The following ACTN4 variants were observed in gnomAD, a reference collection of about 807,000 sequenced individuals.
ACTN4 encodes actinin alpha 4, also known as alpha-actinin-4.
ACTN4 carries 18 observed loss-of-function variants against 114.2 expected under a neutral mutation model. The ratio of observed to expected loss-of-function variants is 0.16; its 90% CI spans 0.11 to 0.23. The LOEUF is 0.23. ACTN4 is among the 10% of genes least tolerant of loss of function. The probability of loss-of-function intolerance (pLI) is 1.00; values close to 1 mark genes in which losing one functional copy is unlikely to be tolerated. For missense variants in ACTN4, 722 were observed against 1,262.9 expected (o/e 0.57, Z 6.49); for synonymous variants, 515 against 506.3 (o/e 1.02, Z -0.23).
At chr19:38,693,785 C>A (rs1361084149) in intron 1 of ACTN4, among the ~76,000 whole-genome samples, 1 of 152,206 alleles carries the variant, frequency 6.6e-6, no homozygotes. Context: ...TCTCCGTCTC[C>A]CTCCTGCAGC....
chr19:38,689,340 A>C (rs1370993427), intron 1 of ACTN4, among the ~76,000 whole-genome samples: 2 of 152,222 alleles, frequency 1.3e-5, no homozygotes, highest in African/African-American at 4.8e-5. Context: ...ATATGGTTCC[A>C]CTTATATGAA....
chr19:38,729,577 C>T lies in ACTN4; in HGVS notation c.*145C>T, dbSNP rs55808893. On this transcript the variant is annotated 3_prime_UTR_variant, in exon 21 of 21. Transcript: ENST00000252699. ...GTGGGTGGGCAGGGAGGGGCTGGGG[C>T]AGGCTCTCTCCTCTCTCTCTTTGTG... 9.5e-7 allele frequency: 1 copy of T among 1,053,814 alleles called. No homozygotes were observed. Among genetic ancestry groups the T allele is most frequent in the East Asian group, 2.6e-5 (1 of 37,866 alleles). 65.3% of individuals were successfully genotyped at this position (1,053,814 alleles called of 1,614,324 possible).
At chr19:38,725,962 A>G (rs992772438) in intron 17 of ACTN4, 59 bp downstream of exon 17, 2 of 1,596,260 alleles carry the variant, frequency 1.3e-6, no homozygotes, top group Non-Finnish European at 1.7e-6. Flanking sequence ...CCTCACTGGA[A>G]ATGGTTCGGG....
intron 1 of ACTN4, among the ~76,000 whole-genome samples, chr19:38,682,571 C>T (rs1325054227): frequency 6.6e-6 from 1 of 152,198 alleles, no homozygotes; most frequent in East Asian, 1.9e-4. Flanking sequence ...TTCTCTCCAG[C>T]CTCACTGCTG....
chr19:38,705,139 C>T, intron 4 of ACTN4, 119 bp downstream of exon 4: 2 of 990,622 alleles, frequency 2.0e-6, no homozygotes, highest in South Asian at 2.7e-5. Flanking sequence ...ACTCACAGGG[C>T]CTGGCCCTTG....
chr19:38,697,013 T>C (rs189449742), intron 1 of ACTN4, among the ~76,000 whole-genome samples: 1 of 152,372 alleles, frequency 6.6e-6, no homozygotes, highest in African/African-American at 2.4e-5. Context: ...TCTCGGTTAC[T>C]GTCCTGTTTA....
At position 38,647,814 on chromosome 19, in the gene ACTN4, C is replaced by T. The variant is rs1355053020; in HGVS notation, c.69C>T (p.Gly23=). The part of the protein sequence containing the change: ...YGPSSAGNGA[G]GGGSMGDYMA... ...CCAGCAGCGCGGGCAATGGCGCTGG[C>T]GGCGGGGGCAGCATGGGCGACTACA... The change falls in exon 1 of 21, where the codon GGC becomes GGT. Residue 23 remains glycine (G), a synonymous_variant. Coordinates refer to ENST00000252699, the MANE Select transcript of ACTN4 (RefSeq NM_004924.6). The T allele has an allele frequency of 1.3e-6, 2 of 1,551,156 alleles. No individual in the cohort carries two copies. Among genetic ancestry groups the T allele is most frequent in the South Asian group, 1.2e-5 (1 of 84,224 alleles).
intron 1 of ACTN4, among the ~76,000 whole-genome samples, chr19:38,674,416 T>C (rs940458245): frequency 6.6e-6 from 1 of 152,148 alleles, no homozygotes; most frequent in East Asian, 1.9e-4. Context: ...CAAATATTTA[T>C]TGCGTGCTAG....
At chr19:38,670,551 G>T (rs1276724995) in intron 1 of ACTN4, among the ~76,000 whole-genome samples, 1 of 152,154 alleles carries the variant, frequency 6.6e-6, no homozygotes, top group Non-Finnish European at 1.5e-5. Flanking sequence ...CAGAGCTCTA[G>T]CTGATGGTGG....
intron 1 of ACTN4, among the ~76,000 whole-genome samples, chr19:38,689,415 G>A (rs183619304): frequency 3.9e-5 from 6 of 152,272 alleles, no homozygotes; most frequent in Admixed American, 3.3e-4. Flanking sequence ...CAGGGGCTGG[G>A]GGCTGGGTAG....
intron 11 of ACTN4, chr19:38,718,391 C>T: frequency 4.7e-6 from 2 of 425,530 alleles, no homozygotes; most frequent in East Asian, 5.6e-5. Context: ...ATAAAATTAG[C>T]CAGGCATAGT....
chr19:38,668,223 G>A (rs1299444475), intron 1 of ACTN4, among the ~76,000 whole-genome samples: 3 of 152,154 alleles, frequency 2.0e-5, no homozygotes, highest in South Asian at 2.1e-4. Flanking sequence ...AGCTTTAGAA[G>A]GAAGTTTGAA....
In ACTN4 at chr19:38,714,481, G is replaced by A. The variant is rs779765397; in HGVS notation, c.832G>A (p.Ala278Thr). The A allele has an allele frequency of 6.8e-6, 11 of 1,613,580 alleles. No individual in the cohort carries two copies. The highest frequency in any genetic ancestry group is 1.1e-5 in the South Asian group (1 of 91,092). Residue 278 changes from alanine (A) to threonine (T), a missense_variant, in exon 9 of 21, where the codon GCC (alanine) becomes ACC (threonine). Around this residue, in one of 3 missense-constraint regions of ACTN4, gnomAD observed 127 missense variants for 311.3 expected, o/e 0.41. Coordinates refer to ENST00000252699, the MANE Select transcript of ACTN4 (RefSeq NM_004924.6). ...FSGAQKAETA[A>T]NRICKVLAVN... Reference sequence around the variant, plus strand: ...TGCTCCCCTCCAGGCTGAAACTGCCGCCAACCGGATCTGTAAGGTGCTGGC... The same window carrying A: ...TGCTCCCCTCCAGGCTGAAACTGCCACCAACCGGATCTGTAAGGTGCTGGC...
At chr19:38,720,927 G>A (rs530432535) in intron 11 of ACTN4, among the ~76,000 whole-genome samples, 1 of 152,352 alleles carries the variant, frequency 6.6e-6, no homozygotes, top group South Asian at 2.1e-4. Context: ...GGGCTTCCTT[G>A]AGCTTTGGTT....
intron 1 of ACTN4, chr19:38,683,855 C>T (rs1265763452): frequency 6.6e-6 from 1 of 152,364 alleles, no homozygotes; most frequent in East Asian, 1.9e-4. Flanking sequence ...GACTTGCCCG[C>T]CCTCCCCCAT....
chr19:38,713,134 G>A (rs548965649), intron 8 of ACTN4, among the ~76,000 whole-genome samples: 42 of 152,256 alleles, frequency 2.8e-4, no homozygotes, highest in African/African-American at 9.2e-4. Flanking sequence ...TTTTATAAAC[G>A]CAGAGTGAAC....
At chr19:38,716,164 C>G (rs914756739) in intron 9 of ACTN4, among the ~76,000 whole-genome samples, 1 of 152,240 alleles carries the variant, frequency 6.6e-6, no homozygotes, top group African/African-American at 2.4e-5. Context: ...CTCAGCCTCC[C>G]AAAGTGCTGG....
chr19:38,731,567 A>AAAT lies in ACTN4; in HGVS notation c.*2137_*2139dup. 2 of 352,398 alleles carry AAAT rather than the reference A, an allele frequency of 5.7e-6. No homozygotes were observed. The highest frequency in any genetic ancestry group is 6.3e-5 in the South Asian group (2 of 31,840). 21.8% of individuals were successfully genotyped at this position (352,398 alleles called of 1,614,324 possible). On this transcript the variant is annotated 3_prime_UTR_variant, in exon 21 of 21. Transcript: ENST00000252699. ...CTGGAGGATATTTCTGTGCAGCAAA[A>AAAT]AATATAGTCAATCCCATATGGAGTC...
At chr19:38,719,815 C>G (rs1277733843) in intron 11 of ACTN4, among the ~76,000 whole-genome samples, 1 of 152,236 alleles carries the variant, frequency 6.6e-6, no homozygotes, top group Non-Finnish European at 1.5e-5. Context: ...AGATGGTTTC[C>G]TGAGGCCAAG....
Sources: gnomAD v4.1 joint callset for allele counts (sites outside exome capture counted in the v4.1 genomes callset) on GRCh38, gnomAD v4.1.1 for gene constraint, gnomAD v4.1.1 regional missense constraint, MANE v1.5 for transcripts, NCBI Gene and HGNC (gene_info 2026-07-23, HGNC 2026-07-21) for gene names.